The following ABI3BP variants were observed in gnomAD, a reference collection of about 807,000 sequenced individuals.
ABI3BP encodes the protein ABI family member 3 binding protein, also known as target of Nesh-SH3.
In ABI3BP, 216 loss-of-function variants were observed where a neutral mutation model predicts 268.6. That is an observed-to-expected ratio of 0.80 (90% CI 0.72 to 0.90). The LOEUF (loss-of-function observed/expected upper bound fraction) is 0.90. Ranked by LOEUF, ABI3BP falls within the 40% of genes least tolerant of loss-of-function variation. ABI3BP has a pLI of 0.00. For missense variants in ABI3BP, 2,090 were observed against 2,182.4 expected (o/e 0.96, Z 0.84); for synonymous variants, 730 against 730.0 (o/e 1.00, Z 0.00).
At position 100,862,637 on chromosome 3, in the gene ABI3BP, T is replaced by C. The variant is rs1016889705; in HGVS notation, c.1210+201A>G. 6.8e-6 allele frequency: 4 copies of C among 585,954 alleles called. No individual in the cohort carries two copies. The African/African-American group carries it at 7.5e-5, about 11-fold the overall frequency. The allele number at this position is 585,954 out of a possible 1,614,324, so 36.3% of individuals were successfully genotyped here. ...TTTAAGGACAAAAAGCTAAGTGGATTATGTGGAATTAAGACTGATGGGTTT... is the reference window on the plus strand; with the variant it reads ...TTTAAGGACAAAAAGCTAAGTGGATCATGTGGAATTAAGACTGATGGGTTT... On this transcript the variant is annotated intron_variant, in intron 13 of 67. Coordinates refer to ENST00000471714, the MANE Select transcript of ABI3BP (RefSeq NM_001375547.2).
At chr3:100,886,804 G>A (rs1486375025) in intron 4 of ABI3BP, among the ~76,000 whole-genome samples, 4 of 151,840 alleles carry the variant, frequency 2.6e-5, no homozygotes, top group Non-Finnish European at 5.9e-5. Context: ...AGACTAAGAT[G>A]TATTCAGTAC....
intron 55 of ABI3BP, among the ~76,000 whole-genome samples, chr3:100,791,770 C>G (rs1023019401): frequency 6.6e-6 from 1 of 151,758 alleles, no homozygotes; most frequent in African/African-American, 2.4e-5. Flanking sequence ...AGGAACTGCC[C>G]TTTACTATAG....
rs892722780 is a variant in ABI3BP at position 100,829,695 on chromosome 3, C to T, written c.2459-31G>A. On this transcript the variant is annotated intron_variant, in intron 32 of 67. Transcript: ENST00000471714. ...GGAAGAAAACTTCAGGTTAATACAGCGTGTTTGGTTCCGGAAGCTGTGGAT... is the reference window on the plus strand; with the variant it reads ...GGAAGAAAACTTCAGGTTAATACAGTGTGTTTGGTTCCGGAAGCTGTGGAT... The T allele has an allele frequency of 2.6e-5, 39 of 1,487,674 alleles. No individual in the cohort carries two copies. In the East Asian group the frequency reaches 3.2e-4, roughly 12 times the overall value. 92.2% of individuals were successfully genotyped at this position (1,487,674 alleles called of 1,614,324 possible). A position where few individuals can be genotyped will look rare whatever the true frequency, so the allele number is the denominator to read the frequency against.
At chr3:100,801,839 C>A (rs2097545275) in intron 51 of ABI3BP, among the ~76,000 whole-genome samples, 1 of 152,118 alleles carries the variant, frequency 6.6e-6, no homozygotes, top group Non-Finnish European at 1.5e-5. Context: ...CAGTTCTCTA[C>A]CCTGCTCATC....
intron 1 of ABI3BP, among the ~76,000 whole-genome samples, chr3:100,953,342 T>G (rs1189848635): frequency 1.3e-5 from 2 of 152,098 alleles, no homozygotes; most frequent in Admixed American, 6.6e-5. Context: ...TCCTTAATGC[T>G]CACAGAATCA....
At chr3:100,857,892 A>G (rs929767344) in intron 14 of ABI3BP, among the ~76,000 whole-genome samples, 1 of 152,216 alleles carries the variant, frequency 6.6e-6, no homozygotes, top group Non-Finnish European at 1.5e-5. Context: ...TGCAAACACA[A>G]ATTATTGTAT....
intron 1 of ABI3BP, among the ~76,000 whole-genome samples, chr3:100,962,576 A>C (rs566717684): frequency 1.3e-5 from 2 of 152,254 alleles, no homozygotes; most frequent in East Asian, 3.9e-4. Context: ...CTTCTGTGTC[A>C]ATTACACAAA....
At chr3:100,928,403 T>C (rs760658948) in intron 1 of ABI3BP, among the ~76,000 whole-genome samples, 1 of 152,056 alleles carries the variant, frequency 6.6e-6, no homozygotes, top group Non-Finnish European at 1.5e-5. Context: ...CCCAACATCA[T>C]CACAATGAAT....
At chr3:100,760,935 G>A (rs961028845) in intron 63 of ABI3BP, among the ~76,000 whole-genome samples, 2 of 151,884 alleles carry the variant, frequency 1.3e-5, no homozygotes, top group South Asian at 2.1e-4. Context: ...TGTTATGTAG[G>A]TAAACTCATG....
In ABI3BP at chr3:100,796,481, G is replaced by T. The variant is rs571936608; in HGVS notation, c.3758-13C>A. 3.1e-6 allele frequency: 5 copies of T among 1,597,182 alleles called. No homozygotes were observed. In the African/African-American group the frequency reaches 4.0e-5, roughly 13 times the overall value. On this transcript the variant is annotated splice_polypyrimidine_tract_variant and intron_variant, in intron 51 of 67. Transcript: ENST00000471714. ...ACATCTTTTGGAGCTGAAAGAAAAA[G>T]ATTATAAAACACTGCATACTCTAAA... is the stretch of plus-strand genomic sequence containing the variant.
intron 1 of ABI3BP, among the ~76,000 whole-genome samples, chr3:100,973,276 A>G (rs2084572670): frequency 6.6e-6 from 1 of 152,200 alleles, no homozygotes; most frequent in African/African-American, 2.4e-5. Flanking sequence ...CACACATAAA[A>G]CAAAGTTATG....
At chr3:100,884,545 C>G (rs1471776553) in intron 6 of ABI3BP, among the ~76,000 whole-genome samples, 2 of 151,904 alleles carry the variant, frequency 1.3e-5, no homozygotes, top group Non-Finnish European at 2.9e-5. Flanking sequence ...TGTTTTTAAT[C>G]CCAGTGAAGT....
chr3:100,843,166 G>C (rs2098726265), intron 20 of ABI3BP, among the ~76,000 whole-genome samples: 1 of 152,256 alleles, frequency 6.6e-6, no homozygotes, highest in East Asian at 1.9e-4. Context: ...ATGCATAACA[G>C]CATAAGGTGC....
chr3:100,989,986 T>A (rs1229962528), intron 1 of ABI3BP, among the ~76,000 whole-genome samples: 1 of 152,168 alleles, frequency 6.6e-6, no homozygotes. Flanking sequence ...CAAATCCCTG[T>A]GGAAAAGCTG....
At chr3:100,861,727 C>A (rs1312655690) in intron 14 of ABI3BP, among the ~76,000 whole-genome samples, 3 of 150,276 alleles carry the variant, frequency 2.0e-5, no homozygotes, top group Admixed American at 2.0e-4. Flanking sequence ...CTACAGTTTG[C>A]AAAAGAGGAA....
intron 1 of ABI3BP, among the ~76,000 whole-genome samples, chr3:100,992,425 C>A (rs1166141671): frequency 1.3e-5 from 2 of 152,216 alleles, no homozygotes; most frequent in African/African-American, 4.8e-5. Flanking sequence ...CTCTGCATTA[C>A]TTCTGATGTT....
At chr3:100,966,357 T>C (rs1329649677) in intron 1 of ABI3BP, among the ~76,000 whole-genome samples, 1 of 152,206 alleles carries the variant, frequency 6.6e-6, no homozygotes, top group African/African-American at 2.4e-5. Context: ...CAATGCTATC[T>C]CTGAATTTCA....
intron 7 of ABI3BP, among the ~76,000 whole-genome samples, 185 bp from the exon 8 acceptor site, chr3:100,875,764 T>C (rs922555659): frequency 1.3e-5 from 2 of 152,204 alleles, no homozygotes; most frequent in African/African-American, 4.8e-5. Context: ...TTAACACCTA[T>C]GCCCTTAACT....
intron 4 of ABI3BP, among the ~76,000 whole-genome samples, chr3:100,890,240 A>G (rs2043930342): frequency 6.6e-6 from 1 of 152,044 alleles, no homozygotes; most frequent in South Asian, 2.1e-4. Context: ...TAAAACATCT[A>G]TTTCCCACAT....
Sources: allele counts gnomAD v4.1 joint callset (sites outside exome capture counted in the v4.1 genomes callset), GRCh38; gene constraint gnomAD v4.1.1; transcripts MANE v1.5; gene names NCBI Gene and HGNC (gene_info 2026-07-23, HGNC 2026-07-21).